The following TMEM87B variants were observed in gnomAD, a reference collection of about 807,000 sequenced individuals.
TMEM87B encodes transmembrane protein 87B.
A neutral mutation model predicts 80.3 loss-of-function variants in TMEM87B; 83 were observed. The observed-to-expected ratio is 1.03, with a 90% confidence interval of 0.87 to 1.24. The LOEUF (loss-of-function observed/expected upper bound fraction) is 1.24, where lower values mean the gene tolerates loss of function less well. TMEM87B is among the 50% of genes most tolerant of loss of function. The pLI is 0.00. For missense variants in TMEM87B, 625 were observed against 674.4 expected (o/e 0.93, Z 0.81); for synonymous variants, 219 against 230.5 (o/e 0.95, Z 0.45).
chr2:112,097,725 A>C (rs989807174), intron 13 of TMEM87B, among the ~76,000 whole-genome samples: 16 of 151,712 alleles, frequency 1.1e-4, no homozygotes, highest in South Asian at 2.1e-4. Context: ...AAAAAAAAAA[A>C]AAAAAAAAAA....
chr2:112,077,166 A>T (rs1678850056), intron 5 of TMEM87B, 26 bp from the exon 6 acceptor site: 1 of 1,352,848 alleles, frequency 7.4e-7, no homozygotes, highest in Non-Finnish European at 1.0e-6. Context: ...AAAAATAATG[A>T]AGAATTTTTT....
chr2:112,116,164 G>A lies in TMEM87B; in HGVS notation c.*21G>A. ...TGTGATTGGAACCCGTATAAGAAAT[G>A]TAGTTAAGCCTGAAGGACTATCCTT... On this transcript the variant is annotated 3_prime_UTR_variant, in exon 19 of 19. Coordinates refer to ENST00000283206, the MANE Select transcript of TMEM87B (RefSeq NM_032824.3). 6.2e-7 allele frequency: 1 copy of A among 1,605,168 alleles called. No homozygotes were observed. Among genetic ancestry groups the A allele is most frequent in the Non-Finnish European group, 8.5e-7 (1 of 1,174,138 alleles).
At chr2:112,075,390 ACT>A (rs1253111764) in intron 5 of TMEM87B, among the ~76,000 whole-genome samples, 3 of 152,028 alleles carry the variant, frequency 2.0e-5, no homozygotes, top group African/African-American at 4.8e-5. Flanking sequence ...ACAGAGCAAG[ACT>A]CTGCCTCAAA....
chr2:112,081,446 AT>A lies in TMEM87B; in HGVS notation c.773del (p.Leu258TrpfsTer27), dbSNP rs750138307. 2.5e-6 allele frequency: 4 copies of A among 1,613,568 alleles called. No individual in the cohort carries two copies. The highest frequency in any genetic ancestry group is 2.7e-5 in the African/African-American group (2 of 74,882). On this transcript the variant is annotated frameshift_variant, in exon 8 of 19. Transcript: ENST00000283206. LOFTEE classifies it high-confidence loss of function. ...LRIQFWIAAV[I>X]FLGMLEKAVF... ...AATCCAGTTCTGGATTGCAGCTGTT[AT>A]TTTTTTGGGAATGCTTGAAAAAGCA...
chr2:112,118,272 G>A lies in TMEM87B; in HGVS notation c.*2129G>A, dbSNP rs780162593. On this transcript the variant is annotated 3_prime_UTR_variant, in exon 19 of 19. Transcript: ENST00000283206. The stretch of plus-strand genomic sequence containing the variant: ...GGGGTGCTCTAGTGCCATAGCTGTA[G>A]TTCACAGGAAGGACACCAGGAGAAG... The A allele has an allele frequency of 1.3e-5, 2 of 152,168 alleles. No individual in the cohort carries two copies. Among genetic ancestry groups the A allele is most frequent in the Non-Finnish European group, 2.9e-5 (2 of 68,040 alleles). The allele number at this position is 152,168 out of a possible 1,614,324, so 9.4% of individuals were successfully genotyped here. A position where few individuals can be genotyped will look rare whatever the true frequency, so the allele number is the denominator to read the frequency against.
Position 112,116,345 on chromosome 2 carries a change from A to G in TMEM87B, c.*202A>G. On this transcript the variant is annotated 3_prime_UTR_variant, in exon 19 of 19. Coordinates refer to ENST00000283206, the MANE Select transcript of TMEM87B (RefSeq NM_032824.3). The stretch of plus-strand genomic sequence containing the variant: ...TGAGTGTCAGTTGAATATCCATTAA[A>G]TTGGATTTGGAAATAACCTGAGGAA... 1 of 510,498 alleles carries G rather than the reference A, an allele frequency of 2.0e-6. No individual in the cohort carries two copies. Among genetic ancestry groups the G allele is most frequent in the African/African-American group, 1.9e-5 (1 of 51,958 alleles). 31.6% of individuals were successfully genotyped at this position (510,498 alleles called of 1,614,324 possible).
intron 11 of TMEM87B, chr2:112,095,612 T>A: frequency 2.4e-6 from 1 of 411,882 alleles, no homozygotes; most frequent in Non-Finnish European, 3.3e-6. Flanking sequence ...AAAGTTCTCA[T>A]AGTAACCTGA....
chr2:112,090,107 A>G (rs976978129), intron 10 of TMEM87B, among the ~76,000 whole-genome samples: 2 of 152,210 alleles, frequency 1.3e-5, no homozygotes, highest in African/African-American at 4.8e-5. Flanking sequence ...AGGTATACAT[A>G]CAGTACATTC....
intron 14 of TMEM87B, among the ~76,000 whole-genome samples, chr2:112,100,369 A>G (rs1357509333): frequency 6.6e-6 from 1 of 152,218 alleles, no homozygotes; most frequent in East Asian, 1.9e-4. Context: ...CCTCAACATT[A>G]AATATTGCAA....
rs190282214 is a variant in TMEM87B, at chr2:112,108,694, T to G, written c.1577+854T>G. ...TGGGTTTTGTTTGTGTGGGTTGAGG[T>G]TTTTTTGGGTGAGAAGGGCTGGGGA... is the stretch of plus-strand genomic sequence containing the variant. On this transcript the variant is annotated intron_variant, in intron 17 of 18. Coordinates refer to ENST00000283206, the MANE Select transcript of TMEM87B (RefSeq NM_032824.3). 7.8e-4 allele frequency among the ~76,000 whole-genome samples: 118 copies of G among 152,242 alleles called. 1 individual carries two copies. The highest frequency in any genetic ancestry group is 2.8e-3 in the African/African-American group (115 of 41,548).
At chr2:112,070,911 T>G (rs1251050803) in intron 4 of TMEM87B, among the ~76,000 whole-genome samples, 1 of 151,470 alleles carries the variant, frequency 6.6e-6, no homozygotes, top group Non-Finnish European at 1.5e-5. Flanking sequence ...AACCTCCACC[T>G]CCCGGGTTCA....
At chr2:112,094,048 A>G (rs1007175547) in intron 11 of TMEM87B, among the ~76,000 whole-genome samples, 4 of 152,152 alleles carry the variant, frequency 2.6e-5, no homozygotes, top group Admixed American at 6.5e-5. Context: ...GAACTTTAAC[A>G]AGTTAGGGAG....
intron 4 of TMEM87B, among the ~76,000 whole-genome samples, chr2:112,070,186 A>G (rs1678580016): frequency 1.3e-5 from 2 of 152,084 alleles, no homozygotes; most frequent in South Asian, 2.1e-4. Context: ...ATTAGATCCT[A>G]TTTGTCAATT....
At chr2:112,100,901 C>G (rs1453079460) in intron 15 of TMEM87B, among the ~76,000 whole-genome samples, 1 of 152,140 alleles carries the variant, frequency 6.6e-6, no homozygotes, top group Non-Finnish European at 1.5e-5. Flanking sequence ...GAGCTTGTTA[C>G]TCATTTCGTA....
At chr2:112,092,605 T>G (rs1679337998) in intron 11 of TMEM87B, among the ~76,000 whole-genome samples, 1 of 151,910 alleles carries the variant, frequency 6.6e-6, no homozygotes, top group Admixed American at 6.6e-5. Context: ...ATGGTGAGGG[T>G]CAGAAGTAGG....
At chr2:112,104,620 A>T (rs187283401) in intron 15 of TMEM87B, among the ~76,000 whole-genome samples, 1 of 152,228 alleles carries the variant, frequency 6.6e-6, no homozygotes. Flanking sequence ...CAGTACTTGA[A>T]GGAATGTAGA....
At chr2:112,103,472 A>G (rs1394199280) in intron 15 of TMEM87B, among the ~76,000 whole-genome samples, 1 of 152,226 alleles carries the variant, frequency 6.6e-6, no homozygotes, top group African/African-American at 2.4e-5. Flanking sequence ...AAAGCAAAAG[A>G]CGTAGAAGAT....
chr2:112,086,070 G>C lies in TMEM87B; in HGVS notation c.904G>C (p.Val302Leu). 6 of 1,614,150 alleles carry C rather than the reference G, an allele frequency of 3.7e-6. No individual in the cohort carries two copies. Among genetic ancestry groups the C allele is most frequent in the Non-Finnish European group, 5.1e-6 (6 of 1,180,030 alleles). Residue 302 changes from valine (V) to leucine (L), a missense_variant, in exon 9 of 19, where the codon GTG becomes CTG. Physicochemically the swap from Val to Leu is conservative, Grantham distance 32. Transcript: ENST00000283206. ...AIKRTLARLLVIIVSLGYGIV... is the reference protein window; with the variant it reads ...AIKRTLARLLLIIVSLGYGIV... ...TAAGAGGACGTTGGCTCGCCTTCTC[G>C]TGATCATTGTGAGCCTGGGCTATGG...
At chr2:112,089,814 G>C (rs1573711239) in intron 10 of TMEM87B, 96 bp downstream of exon 10, 2 of 1,183,896 alleles carry the variant, frequency 1.7e-6, no homozygotes, top group East Asian at 4.8e-5. Context: ...ATAGAAACTT[G>C]TGAAAAAGGC....
Sources: allele counts gnomAD v4.1 joint callset (sites outside exome capture counted in the v4.1 genomes callset), GRCh38; gene constraint gnomAD v4.1.1; transcripts MANE v1.5; gene names NCBI Gene and HGNC (gene_info 2026-07-23, HGNC 2026-07-21).